CHD6: variants seen among roughly 807,000 people sequenced by gnomAD.
CHD6 encodes chromodomain helicase DNA binding protein 6, also known as ATP-dependent chromatin remodeler CHD6.
CHD6 carries 50 observed loss-of-function variants against 276.9 expected under a neutral mutation model. The observed-to-expected ratio is 0.18, with a 90% CI of 0.14 to 0.23. CHD6 has a LOEUF of 0.23. CHD6 is among the 10% of genes least tolerant of loss of function. CHD6 has a pLI of 1.00. For synonymous variants in CHD6, 1,173 were observed against 1,229.3 expected (o/e 0.95, Z 0.96); for missense variants, 2,564 against 3,365.8 (o/e 0.76, Z 5.89).
intron 1 of CHD6, among the ~76,000 whole-genome samples, chr20:41,563,320 T>C (rs2045322163): frequency 6.6e-6 from 1 of 152,234 alleles, no homozygotes; most frequent in South Asian, 2.1e-4. Context: ...ATGACTCTCC[T>C]CTGGCTATTC....
intron 20 of CHD6, 151 bp from the exon 21 acceptor site, chr20:41,453,093 C>A: frequency 1.6e-6 from 1 of 638,516 alleles, no homozygotes. Flanking sequence ...CCTGCTGTCT[C>A]CATGACCACA....
chr20:41,614,394 C>T (rs557088650), intron 1 of CHD6, among the ~76,000 whole-genome samples: 1 of 152,090 alleles, frequency 6.6e-6, no homozygotes, highest in African/African-American at 2.4e-5. Context: ...ATTTCTAAGT[C>T]CTTCATTATG....
chr20:41,596,644 T>C (rs1182400416), intron 1 of CHD6, among the ~76,000 whole-genome samples: 1 of 151,114 alleles, frequency 6.6e-6, no homozygotes, highest in African/African-American at 2.4e-5. Flanking sequence ...GATTCAGGAA[T>C]CAGTGCCTTG....
intron 5 of CHD6, among the ~76,000 whole-genome samples, chr20:41,505,738 TG>T (rs2043961453): frequency 6.6e-6 from 1 of 152,196 alleles, no homozygotes; most frequent in African/African-American, 2.4e-5. Flanking sequence ...ATTCTCTTGG[TG>T]ATCTCACTCA....
chr20:41,579,979 A>G, intron 1 of CHD6, among the ~76,000 whole-genome samples: 1 of 152,150 alleles, frequency 6.6e-6, no homozygotes, highest in East Asian at 1.9e-4. Flanking sequence ...CTCCATTTCC[A>G]CTATTCCCAA....
At chr20:41,437,154 G>T in intron 27 of CHD6, 120 bp downstream of exon 27, 1 of 689,600 alleles carries the variant, frequency 1.5e-6, no homozygotes, top group South Asian at 2.0e-5. Context: ...TAAAATGTTG[G>T]GCAAAATGCA....
At chr20:41,536,863 T>C (rs56767790) in intron 2 of CHD6, among the ~76,000 whole-genome samples, 8 of 152,270 alleles carry the variant, frequency 5.3e-5, no homozygotes, top group African/African-American at 1.4e-4. Context: ...TCCTGAGGAA[T>C]AGAGAGAGAG....
At chr20:41,492,511 C>T (rs558465870) in intron 10 of CHD6, among the ~76,000 whole-genome samples, 1 of 152,176 alleles carries the variant, frequency 6.6e-6, no homozygotes, top group Non-Finnish European at 1.5e-5. Flanking sequence ...TAATAAGGAA[C>T]TGGATAACAG....
intron 18 of CHD6, 77 bp downstream of exon 18, chr20:41,457,187 A>T: frequency 6.6e-7 from 1 of 1,518,782 alleles, no homozygotes; most frequent in Non-Finnish European, 9.0e-7. Context: ...ACCCTTAAAC[A>T]GCTGTAAGAA....
chr20:41,532,791 G>C (rs1308615852), intron 3 of CHD6, among the ~76,000 whole-genome samples: 1 of 152,184 alleles, frequency 6.6e-6, no homozygotes, highest in Non-Finnish European at 1.5e-5. Context: ...GAATTCTTGG[G>C]AGTATCCTAA....
intron 26 of CHD6, among the ~76,000 whole-genome samples, chr20:41,438,751 C>G (rs1204694818): frequency 6.6e-6 from 1 of 152,214 alleles, no homozygotes; most frequent in African/African-American, 2.4e-5. Context: ...ATGCCACATT[C>G]AGGCGCCCAT....
chr20:41,581,452 G>A (rs747860952), intron 1 of CHD6, among the ~76,000 whole-genome samples: 22 of 152,156 alleles, frequency 1.4e-4, no homozygotes, highest in South Asian at 6.2e-4. Context: ...CGAGGTAGGC[G>A]GTTCACAAGG....
chr20:41,516,472 C>A (rs1015841936), intron 3 of CHD6, among the ~76,000 whole-genome samples: 13 of 152,070 alleles, frequency 8.5e-5, no homozygotes, highest in Non-Finnish European at 1.3e-4. Flanking sequence ...CCACACCTGG[C>A]CAGCAGATGG....
chr20:41,481,790 C>T (rs1000502037), intron 16 of CHD6, among the ~76,000 whole-genome samples: 1 of 151,740 alleles, frequency 6.6e-6, no homozygotes, highest in African/African-American at 2.4e-5. Context: ...TAGAGTATCA[C>T]ATAGATCATT....
chr20:41,611,953 A>C lies in CHD6; in HGVS notation c.-24+6387T>G, dbSNP rs563507404. Among the ~76,000 whole-genome samples, 35 of 152,260 alleles carry C rather than the reference A, an allele frequency of 2.3e-4. No individual in the cohort carries two copies. The East Asian group carries it at 6.8e-3, about 29-fold the overall frequency. Reference sequence around the variant, plus strand: ...GCACCTGGCAAAACTTGCATTTCTAACATGCTCCAAAGTAATGCTGAAGTT... The same window carrying C: ...GCACCTGGCAAAACTTGCATTTCTACCATGCTCCAAAGTAATGCTGAAGTT... On this transcript the variant is annotated intron_variant, in intron 1 of 36. Transcript: ENST00000373233.
chr20:41,564,115 T>C, intron 1 of CHD6: 1 of 776,410 alleles, frequency 1.3e-6, no homozygotes, highest in Non-Finnish European at 2.4e-6. Context: ...TTTACAGAAC[T>C]GGTACAAAAG....
intron 26 of CHD6, among the ~76,000 whole-genome samples, chr20:41,439,329 C>T (rs2047823663): frequency 6.6e-6 from 1 of 151,100 alleles, no homozygotes; most frequent in Non-Finnish European, 1.5e-5. Flanking sequence ...GCACTCCTGC[C>T]TGGGTGACAA....
intron 1 of CHD6, among the ~76,000 whole-genome samples, chr20:41,572,079 T>C (rs2045423332): frequency 6.6e-6 from 1 of 152,250 alleles, no homozygotes; most frequent in African/African-American, 2.4e-5. Context: ...TTGGCTTCTG[T>C]GCCAGTTATC....
At chr20:41,561,444 T>G (rs1601143652) in intron 1 of CHD6, among the ~76,000 whole-genome samples, 1 of 152,162 alleles carries the variant, frequency 6.6e-6, no homozygotes, top group East Asian at 1.9e-4. Flanking sequence ...AGCTCAATGT[T>G]CTTCTCTTGG....
Sources: allele counts gnomAD v4.1 joint callset (sites outside exome capture counted in the v4.1 genomes callset), GRCh38; gene constraint gnomAD v4.1.1; transcripts MANE v1.5; gene names NCBI Gene and HGNC (gene_info 2026-07-23, HGNC 2026-07-21).